PYGM: variants seen among roughly 807,000 people sequenced by gnomAD.
PYGM encodes glycogen phosphorylase, muscle associated, also known as glycogen phosphorylase, muscle form.
PYGM carries 81 observed loss-of-function variants against 99.3 expected under a neutral mutation model. The ratio of observed to expected loss-of-function variants is 0.82; its 90% CI spans 0.68 to 0.98. The LOEUF (loss-of-function observed/expected upper bound fraction) is 0.98, where lower values mean the gene tolerates loss of function less well. Ranked by LOEUF, PYGM falls within the 50% of genes least tolerant of loss-of-function variation. PYGM has a pLI of 0.00. For synonymous variants in PYGM, 436 were observed against 451.5 expected (o/e 0.97, Z 0.44); for missense variants, 1,030 against 1,158.1 (o/e 0.89, Z 1.61).
chr11:64,751,704 A>G, intron 14 of PYGM, 49 bp from the exon 15 acceptor site: 1 of 1,603,020 alleles, frequency 6.2e-7, no homozygotes, highest in African/African-American at 1.3e-5. Context: ...CCCTCTGGGT[A>G]GTAGCTCCTG....
Position 64,754,476 on chromosome 11 carries a change from G to A in PYGM, c.1000-131C>T, listed in dbSNP as rs1172707996. ...ACTGGGCTGTGGGCAGAGGCAGGCC[G>A]GTGCTCATGGGGGTGGGAGGAATGG... On this transcript the variant is annotated intron_variant, in intron 8 of 19. Transcript: ENST00000164139. The surrounding 1 kb of genome is among the most constrained non-coding windows in gnomAD (Gnocchi z 5.5). 14 of 974,234 alleles carry A rather than the reference G, an allele frequency of 1.4e-5. No individual in the cohort carries two copies. Among genetic ancestry groups the A allele is most frequent in the South Asian group, 1.4e-4 (9 of 66,118 alleles). The allele number at this position is 974,234 out of a possible 1,614,324, so 60.3% of individuals were successfully genotyped here. A position where few individuals can be genotyped will look rare whatever the true frequency, so the allele number is the denominator to read the frequency against.
In PYGM at chr11:64,750,501, G is replaced by A. The variant is rs753017949; in HGVS notation, c.2052C>T (p.Leu684=). The A allele has an allele frequency of 8.1e-6, 13 of 1,614,196 alleles. No homozygotes were observed. In the South Asian group the frequency reaches 1.2e-4, roughly 15 times the overall value. Residue 684 remains leucine, a synonymous_variant, in exon 17 of 20, where the codon CTC becomes CTT. Coordinates refer to ENST00000164139, the MANE Select transcript of PYGM (RefSeq NM_005609.4). The part of the protein sequence containing the change: ...ASGTGNMKFM[L]NGALTIGTMD... ...TGGTGCCAATGGTCAGAGCCCCGTT[G>A]AGCATGAACTTCATGTTGCCGGTGC... is the stretch of plus-strand genomic sequence containing the variant.
At position 64,754,727 on chromosome 11, in the gene PYGM, G is replaced by A. The variant is rs1474881760; in HGVS notation, c.965C>T (p.Pro322Leu). 2 of 1,613,682 alleles carry A rather than the reference G, an allele frequency of 1.2e-6. No individual in the cohort carries two copies. Among genetic ancestry groups the A allele is most frequent in the Non-Finnish European group, 1.7e-6 (2 of 1,179,966 alleles). The change falls in exon 8 of 20, where the codon CCC becomes CTC. Residue 322 changes from proline to leucine, a missense_variant. Pro to Leu is a moderately conservative substitution (Grantham distance 98). Transcript: ENST00000164139. The surrounding 1 kb of genome is among the most constrained non-coding windows in gnomAD (Gnocchi z 5.5). The part of the protein sequence containing the change: ...FKSSKFGCRD[P>L]VRTNFDAFPD... Reference sequence around the variant, plus strand: ...GAAGGCATCGAAGTTCGTGCGCACGGGATCACGGCAGCCGAACTTGGAAGA... The same window carrying A: ...GAAGGCATCGAAGTTCGTGCGCACGAGATCACGGCAGCCGAACTTGGAAGA...
At chr11:64,753,423 C>G (rs898077049) in intron 11 of PYGM, 96 bp downstream of exon 11, 3 of 1,468,850 alleles carry the variant, frequency 2.0e-6, no homozygotes, top group African/African-American at 1.4e-5. Context: ...GGCCCAGAGA[C>G]CAGAGAGTGG....
chr11:64,754,404 G>T lies in PYGM; in HGVS notation c.1000-59C>A. On this transcript the variant is annotated intron_variant, in intron 8 of 19. Transcript: ENST00000164139. This position sits in a 1 kb window ranked among gnomAD's most constrained non-coding sequence, Gnocchi z 5.5. ...AACCACATTCCATGCTATGGTCACT[G>T]CCCTATGCCATTTGGAGGCCCCCAG... 1 of 1,427,946 alleles carries T rather than the reference G, an allele frequency of 7.0e-7. No homozygotes were observed. Among genetic ancestry groups the T allele is most frequent in the Non-Finnish European group, 9.9e-7 (1 of 1,014,832 alleles). The allele number at this position is 1,427,946 out of a possible 1,614,324, so 88.5% of individuals were successfully genotyped here.
chr11:64,747,279 G>A lies in PYGM; in HGVS notation c.2257C>T (p.Pro753Ser). ...IEQLSSGFFS[P>S]KQPDLFKDIV... The stretch of plus-strand genomic sequence containing the variant: ...TCCTTGAACAGGTCGGGCTGTTTGG[G>A]GGAGAAGAAGCCACTGCTCAGCTGC... Residue 753 changes from proline to serine, a missense_variant, in exon 18 of 20, where the codon CCC (proline) becomes TCC (serine). Pro to Ser is a moderately conservative substitution (Grantham distance 74). Transcript: ENST00000164139. 1.2e-6 allele frequency: 2 copies of A among 1,614,182 alleles called. No homozygotes were observed. The highest frequency in any genetic ancestry group is 1.7e-6 in the Non-Finnish European group (2 of 1,179,992).
At position 64,754,659 on chromosome 11, in the gene PYGM, C is replaced by T. The variant is rs2058382066; in HGVS notation, c.999+34G>A. ...GAGGGAGAGGCCTAGCACACACTGTCCGGTCACAGAGTCGCCCTCCACACG... is the reference window on the plus strand; with the variant it reads ...GAGGGAGAGGCCTAGCACACACTGTTCGGTCACAGAGTCGCCCTCCACACG... On this transcript the variant is annotated intron_variant, in intron 8 of 19. Transcript: ENST00000164139. The surrounding 1 kb of genome is among the most constrained non-coding windows in gnomAD (Gnocchi z 5.5). 1 of 1,610,670 alleles carries T rather than the reference C, an allele frequency of 6.2e-7. No individual in the cohort carries two copies. The highest frequency in any genetic ancestry group is 8.5e-7 in the Non-Finnish European group (1 of 1,179,008).
chr11:64,750,866 T>G (rs959009681), intron 16 of PYGM, among the ~76,000 whole-genome samples: 1 of 152,224 alleles, frequency 6.6e-6, no homozygotes, highest in Admixed American at 6.5e-5. Flanking sequence ...TTAGAGGGCA[T>G]CCTCATGGGG....
chr11:64,751,257 C>T (rs559097797), intron 16 of PYGM, 68 bp downstream of exon 16: 118 of 1,591,696 alleles, frequency 7.4e-5, no homozygotes, highest in African/African-American at 5.1e-4. Flanking sequence ...CAGGAAGAGA[C>T]GACTGATACC....
chr11:64,757,898 C>T lies in PYGM; in HGVS notation c.541G>A (p.Asp181Asn), dbSNP rs551666681. 45 of 1,613,930 alleles carry T rather than the reference C, an allele frequency of 2.8e-5. 2 individuals carry two copies. The South Asian group carries it at 3.2e-4, about 11-fold the overall frequency. ...GGGTTGCCGTAGCGAAGCCAGTCATCGGCCTCCTCCATCTGCACCCAAGGC... is the reference window on the plus strand; with the variant it reads ...GGGTTGCCGTAGCGAAGCCAGTCATTGGCCTCCTCCATCTGCACCCAAGGC... Reference protein sequence around the residue: ...ISGGWQMEEADDWLRYGNPWE... With the variant: ...ISGGWQMEEANDWLRYGNPWE... The change falls in exon 5 of 20, where the codon GAT becomes AAT. Residue 181 changes from aspartate to asparagine, a missense_variant. By Grantham distance (23) the Asp-to-Asn change is conservative. Transcript: ENST00000164139.
chr11:64,747,433 C>G lies in PYGM; in HGVS notation c.2178-75G>C. On this transcript the variant is annotated intron_variant, in intron 17 of 19. Transcript: ENST00000164139. ...CTCTTCCAGAGAAAAGCTGAGAAGT[C>G]CCATGCCCCAGGGTCAAAACCCAGG... The G allele has an allele frequency of 1.9e-6, 3 of 1,603,114 alleles. No individual in the cohort carries two copies. In the Admixed American group the frequency reaches 5.0e-5, roughly 27 times the overall value.
At chr11:64,747,424 C>G in intron 17 of PYGM, 66 bp from the exon 18 acceptor site, 1 of 1,608,838 alleles carries the variant, frequency 6.2e-7, no homozygotes, top group Non-Finnish European at 8.5e-7. Flanking sequence ...CAGAGAAAAG[C>G]TGAGAAGTCC....
Position 64,750,426 on chromosome 11 carries a change from G to A in PYGM, c.2127C>T (p.Phe709=), listed in dbSNP as rs1007363915. 2 of 1,614,002 alleles carry A rather than the reference G, an allele frequency of 1.2e-6. No homozygotes were observed. The highest frequency in any genetic ancestry group is 2.7e-5 in the African/African-American group (2 of 74,896). ...EMAEEAGEEN[F]FIFGMRVEDV... The stretch of plus-strand genomic sequence containing the variant: ...CCTCCACCCGCATGCCAAAGATGAA[G>A]AAGTTTTCCTCTCCCGCCTCTTCTG... Residue 709 remains phenylalanine (F), a synonymous_variant, in exon 17 of 20, where the codon TTC becomes TTT. Coordinates refer to ENST00000164139, the MANE Select transcript of PYGM (RefSeq NM_005609.4).
chr11:64,747,386 C>A, intron 17 of PYGM, 28 bp from the exon 18 acceptor site: 2 of 1,613,960 alleles, frequency 1.2e-6, no homozygotes, highest in Non-Finnish European at 1.7e-6. Context: ...TGGTCAGCTC[C>A]CCGGAAAGGG....
chr11:64,756,132 C>T (rs117660798), intron 5 of PYGM, among the ~76,000 whole-genome samples: 1 of 152,284 alleles, frequency 6.6e-6, no homozygotes, highest in East Asian at 1.9e-4. Flanking sequence ...TAAGGGGCAT[C>T]GCCCTCCCTC....
At position 64,758,784 on chromosome 11, in the gene PYGM, C is replaced by T. The variant is rs1444164774; in HGVS notation, c.244-80G>A. ...CAGCCAGGCCCAGCCACGCCTGGAC[C>T]TCTGGCCCGCCTGCCCTGCTCAGCA... On this transcript the variant is annotated intron_variant, in intron 1 of 19. Transcript: ENST00000164139. 4 of 1,274,910 alleles carry T rather than the reference C, an allele frequency of 3.1e-6. No individual in the cohort carries two copies. In the African/African-American group the frequency reaches 5.9e-5, roughly 19 times the overall value. 79.0% of individuals were successfully genotyped at this position (1,274,910 alleles called of 1,614,324 possible).
rs753510042 is a variant in PYGM at position 64,751,414 on chromosome 11, A to T, written c.1880T>A (p.Ile627Asn). ...AKMIIRLVTA[I>N]GDVVNHDPAV... is the part of the protein sequence containing the mutation. Reference sequence around the variant, plus strand: ...CGGGTCATGGTTGACCACATCCCCGATGGCTGTGACGAGTCTGATGATCAT... The same window carrying T: ...CGGGTCATGGTTGACCACATCCCCGTTGGCTGTGACGAGTCTGATGATCAT... Residue 627 changes from isoleucine (I) to asparagine (N), a missense_variant, in exon 16 of 20, where the codon ATC (isoleucine) becomes AAC (asparagine). Transcript: ENST00000164139. 6.2e-7 allele frequency: 1 copy of T among 1,613,958 alleles called. No individual in the cohort carries two copies. The highest frequency in any genetic ancestry group is 1.3e-5 in the African/African-American group (1 of 74,870).
In PYGM at chr11:64,755,701, G is replaced by A; in HGVS notation, c.661-143C>T. The A allele has an allele frequency of 1.5e-6, 1 of 677,474 alleles. No individual in the cohort carries two copies. The highest frequency in any genetic ancestry group is 1.8e-5 in the African/African-American group (1 of 56,194). The allele number at this position is 677,474 out of a possible 1,614,324, so 42.0% of individuals were successfully genotyped here. A position where few individuals can be genotyped will look rare whatever the true frequency, so the allele number is the denominator to read the frequency against. On this transcript the variant is annotated intron_variant, in intron 5 of 19. Coordinates refer to ENST00000164139, the MANE Select transcript of PYGM (RefSeq NM_005609.4). The surrounding 1 kb of genome is among the most constrained non-coding windows in gnomAD (Gnocchi z 4.1). ...TAGCATCGATGAGCTGGGTAACCAT[G>A]AGCAAACCCCATAGTCTCTCTGGAC...
At chr11:64,760,035 C>T, upstream of PYGM, 8 of 1,329,056 alleles carry the variant, frequency 6.0e-6, no homozygotes, top group Non-Finnish European at 8.2e-6. Context: ...CCCGCCTCCC[C>T]TGCAATGGGA....
Sources: allele counts gnomAD v4.1 joint callset (sites outside exome capture counted in the v4.1 genomes callset), GRCh38; gene constraint gnomAD v4.1.1; non-coding constraint Gnocchi (gnomAD v3.1); transcripts MANE v1.5; gene names NCBI Gene and HGNC (gene_info 2026-07-23, HGNC 2026-07-21).